Variants in MYO16 observed in about 807,000 individuals in gnomAD.
MYO16 encodes unconventional myosin-XVI.
Under a neutral mutation model 205.3 loss-of-function variants are expected in MYO16, and 94 were observed. That is an observed-to-expected ratio of 0.46 (90% CI 0.39 to 0.54). The LOEUF is 0.54. Among genes scored for constraint, MYO16 ranks in the 20% least tolerant of loss-of-function variants. The pLI is 0.00. For synonymous variants in MYO16, 988 were observed against 954.0 expected (o/e 1.04, Z -0.66); for missense variants, 2,315 against 2,387.5 (o/e 0.97, Z 0.63).
At chr13:108,674,991 C>T (rs1438670596) in intron 2 of MYO16, among the ~76,000 whole-genome samples, 2 of 152,182 alleles carry the variant, frequency 1.3e-5, no homozygotes, top group Non-Finnish European at 2.9e-5. Context: ...AGGGAAGTGG[C>T]AGCTTCATCA....
At chr13:108,647,767 C>A (rs7990676) in intron 1 of MYO16, among the ~76,000 whole-genome samples, 20,898 of 152,156 alleles carry the variant, frequency 0.14, 2,815 homozygotes, top group African/African-American at 0.34. Context: ...CTTCTTTATC[C>A]TACTTGGTAA....
chr13:109,160,082 T>A (rs779415675), intron 32 of MYO16, among the ~76,000 whole-genome samples: 4 of 152,240 alleles, frequency 2.6e-5, no homozygotes, highest in Non-Finnish European at 5.9e-5. Flanking sequence ...TGTTATAGGA[T>A]GTTTTGCAGC....
At chr13:108,829,165 C>T (rs1213801032) in intron 9 of MYO16, among the ~76,000 whole-genome samples, 1 of 152,096 alleles carries the variant, frequency 6.6e-6, no homozygotes, top group Admixed American at 6.6e-5. Flanking sequence ...TGGTCTAACC[C>T]TTGGCGGTTA....
At chr13:108,567,610 T>C in the MYO16 span, among the ~76,000 whole-genome samples, 4 of 152,176 alleles carry the variant, frequency 2.6e-5, no homozygotes, top group African/African-American at 9.6e-5. Context: ...AACTTGGTGA[T>C]ATAATGATGT....
the MYO16 span, among the ~76,000 whole-genome samples, chr13:108,577,876 C>T: frequency 6.6e-6 from 1 of 152,170 alleles, no homozygotes; most frequent in African/African-American, 2.4e-5. Flanking sequence ...ACCCCGATAT[C>T]TCCTCCTGAT....
At chr13:109,138,907 T>C (rs1482832190) in intron 31 of MYO16, among the ~76,000 whole-genome samples, 13 of 152,328 alleles carry the variant, frequency 8.5e-5, no homozygotes, top group Admixed American at 3.3e-4. Flanking sequence ...ATCCTCTGCC[T>C]CCTGGGTTCA....
At chr13:108,922,989 C>T (rs1439530435) in intron 16 of MYO16, among the ~76,000 whole-genome samples, 1 of 152,180 alleles carries the variant, frequency 6.6e-6, no homozygotes, top group East Asian at 1.9e-4. Context: ...AGAGAGGTTC[C>T]ATGAACCTCC....
At chr13:108,687,805 A>T (rs1268368051) in intron 2 of MYO16, among the ~76,000 whole-genome samples, 2 of 152,218 alleles carry the variant, frequency 1.3e-5, no homozygotes, top group African/African-American at 2.4e-5. Flanking sequence ...TTGCATTGGT[A>T]GAAGTACATT....
chr13:108,867,971 T>C (rs544938145), intron 12 of MYO16, among the ~76,000 whole-genome samples: 1 of 152,344 alleles, frequency 6.6e-6, no homozygotes, highest in South Asian at 2.1e-4. Flanking sequence ...GATTCACCCA[T>C]GTTTTTGTGT....
rs1877036638 is a variant in MYO16, at chr13:109,140,847, G to A, written c.4635G>A (p.Glu1545=). ...AGGTGAAGAAGCTGCCAGTCCTGGA[G>A]ACCAACCTCAAGTACCCCGTGCAGC... The part of the protein sequence containing the change: ...PLEVKKLPVL[E]TNLKYPVQPE... The change falls in exon 32 of 35, where the codon GAG becomes GAA. Residue 1545 remains glutamate, a synonymous_variant. Transcript: ENST00000457511. The surrounding 1 kb of genome is among the most constrained non-coding windows in gnomAD (Gnocchi z 8.0). 7 of 1,597,844 alleles carry A rather than the reference G, an allele frequency of 4.4e-6. No individual in the cohort carries two copies. The highest frequency in any genetic ancestry group is 1.4e-5 in the African/African-American group (1 of 72,560).
intron 28 of MYO16, 96 bp downstream of exon 28, chr13:109,100,983 C>G (rs56414043): frequency 2.8e-6 from 3 of 1,072,644 alleles, no homozygotes; most frequent in Non-Finnish European, 4.2e-6. Context: ...CTGGCAAAAA[C>G]AAATTCCTTT....
Position 108,727,437 on chromosome 13 carries a change from T to C in MYO16, c.364-3T>C. 3 of 1,612,362 alleles carry C rather than the reference T, an allele frequency of 1.9e-6. No homozygotes were observed. Among genetic ancestry groups the C allele is most frequent in the East Asian group, 2.2e-5 (1 of 44,866 alleles). ...TGATATTTCCTTGTATTCTTTCTTT[T>C]AGTGTGCTCGGTATGATAATGCCTT... On this transcript the variant is annotated splice_region_variant and splice_polypyrimidine_tract_variant and intron_variant, in intron 3 of 34. Transcript: ENST00000457511.
chr13:108,925,326 C>T lies in MYO16; in HGVS notation c.1925+15176C>T, dbSNP rs188560322. 2.7e-3 allele frequency among the ~76,000 whole-genome samples: 418 copies of T among 152,218 alleles called. 1 individual carries two copies. The highest frequency in any genetic ancestry group is 9.6e-3 in the African/African-American group (398 of 41,532). ...GATGAACTAGAGTTAAACCGAGCTC[C>T]GCCACTCCTCTTCCTGTGCTGCTGA... On this transcript the variant is annotated intron_variant, in intron 16 of 34. Coordinates refer to ENST00000457511, the MANE Select transcript of MYO16 (RefSeq NM_001198950.3).
chr13:108,660,501 G>A (rs28644354), intron 1 of MYO16, among the ~76,000 whole-genome samples: 45,815 of 152,028 alleles, frequency 0.3, 7,257 homozygotes, highest in African/African-American at 0.41. Context: ...TTCCTGTTGG[G>A]CAAGGCCTTT....
chr13:108,585,170 C>T, the MYO16 span, among the ~76,000 whole-genome samples: 1 of 152,198 alleles, frequency 6.6e-6, no homozygotes, highest in East Asian at 1.9e-4. Flanking sequence ...GACCATGGCC[C>T]GTGACACAGC....
At chr13:108,840,158 T>C (rs1194047746) in intron 9 of MYO16, among the ~76,000 whole-genome samples, 1 of 152,200 alleles carries the variant, frequency 6.6e-6, no homozygotes, top group Admixed American at 6.5e-5. Flanking sequence ...CTCATGTTAA[T>C]ATATGATCCT....
chr13:108,609,589 T>G (rs186603560), intron 1 of MYO16, among the ~76,000 whole-genome samples: 8 of 152,314 alleles, frequency 5.3e-5, no homozygotes, highest in African/African-American at 1.4e-4. Flanking sequence ...TTCAGCAACA[T>G]GAGCACAGCA....
intron 4 of MYO16, among the ~76,000 whole-genome samples, chr13:108,751,598 T>C (rs1418160513): frequency 6.6e-6 from 1 of 152,194 alleles, no homozygotes; most frequent in East Asian, 1.9e-4. Flanking sequence ...GAGTTTACAG[T>C]ATGGAACGGG....
chr13:108,744,272 G>C (rs1445921464), intron 4 of MYO16, among the ~76,000 whole-genome samples: 1 of 114,240 alleles, frequency 8.8e-6, no homozygotes, highest in African/African-American at 2.9e-5. Context: ...CATTCTTAAA[G>C]AGGTGTTTAT....
Sources: allele counts gnomAD v4.1 joint callset (sites outside exome capture counted in the v4.1 genomes callset), GRCh38; gene constraint gnomAD v4.1.1; non-coding constraint Gnocchi (gnomAD v3.1); transcripts MANE v1.5; gene names NCBI Gene and HGNC (gene_info 2026-07-23, HGNC 2026-07-21).